The following PTPRD variants were observed in gnomAD, a reference collection of about 807,000 sequenced individuals.
The protein encoded by PTPRD is protein tyrosine phosphatase receptor type D.
PTPRD carries 34 observed loss-of-function variants against 214.5 expected under a neutral mutation model. The observed-to-expected ratio is 0.16, with a 90% CI of 0.12 to 0.21. PTPRD has a LOEUF of 0.21. Ranked by LOEUF, PTPRD falls within the 10% of genes least tolerant of loss-of-function variation. The pLI is 1.00. For missense variants in PTPRD, 2,545 were observed against 2,398.7 expected, an observed-to-expected ratio of 1.06 and a Z score of -1.27; for synonymous variants, 1,128 against 845.7, an observed-to-expected ratio of 1.33 and a Z score of -5.79.
At position 9,453,620 on chromosome 9, in the gene PTPRD, C is replaced by T. The variant is rs188894429; in HGVS notation, c.-236-56138G>A. Among the ~76,000 whole-genome samples the T allele has an allele frequency of 9.9e-5, 15 of 151,610 alleles. No homozygotes were observed. The East Asian group carries it at 2.9e-3, about 29-fold the overall frequency. ...ATTCCATTTATATTTCAGTCAAGTG[C>T]AGGAATATGAGGTGTATATGTTTGT... On this transcript the variant is annotated intron_variant, in intron 8 of 45. Transcript: ENST00000381196.
intron 4 of PTPRD, among the ~76,000 whole-genome samples, chr9:10,019,239 A>G (rs929380594): frequency 1.3e-5 from 2 of 152,212 alleles, no homozygotes; most frequent in African/African-American, 4.8e-5. Context: ...ACCATCTCAC[A>G]TCAGTTAGAA....
chr9:9,675,169 T>G (rs1398562911), intron 7 of PTPRD, among the ~76,000 whole-genome samples: 1 of 151,996 alleles, frequency 6.6e-6, no homozygotes, highest in Non-Finnish European at 1.5e-5. Flanking sequence ...ACAATCTGTA[T>G]ACGTTTAAAT....
chr9:10,575,525 T>C (rs766730326), intron 2 of PTPRD, among the ~76,000 whole-genome samples: 20 of 152,022 alleles, frequency 1.3e-4, no homozygotes, highest in Non-Finnish European at 2.8e-4. Context: ...CCTTGGTAAT[T>C]AAGCAAAAAA....
At chr9:8,942,650 G>A (rs1163164619) in intron 11 of PTPRD, among the ~76,000 whole-genome samples, 9 of 151,684 alleles carry the variant, frequency 5.9e-5, no homozygotes, top group Non-Finnish European at 1.2e-4. Flanking sequence ...AACATACAGG[G>A]GTCAAAGCTA....
intron 14 of PTPRD, among the ~76,000 whole-genome samples, chr9:8,601,112 C>G (rs560377123): frequency 3.6e-4 from 55 of 152,232 alleles, no homozygotes; most frequent in African/African-American, 1.3e-3. Flanking sequence ...CTTGGCAGTA[C>G]TCCCTATGGG....
intron 10 of PTPRD, among the ~76,000 whole-genome samples, chr9:9,132,331 T>G (rs1238929603): frequency 6.6e-6 from 1 of 152,194 alleles, no homozygotes; most frequent in Non-Finnish European, 1.5e-5. Context: ...TTGAAGGTTG[T>G]GAATTTTCCT....
intron 11 of PTPRD, among the ~76,000 whole-genome samples, chr9:8,991,574 A>G (rs1318325961): frequency 6.6e-6 from 1 of 152,130 alleles, no homozygotes; most frequent in Non-Finnish European, 1.5e-5. Flanking sequence ...GTGTGGGAGT[A>G]AGATGAAAAA....
intron 3 of PTPRD, among the ~76,000 whole-genome samples, chr9:10,285,440 A>T (rs1018975304): frequency 1.3e-5 from 2 of 152,108 alleles, no homozygotes; most frequent in Admixed American, 1.3e-4. Context: ...ACCCATAAGT[A>T]ATATTTTAAC....
chr9:9,972,806 A>C (rs1056612954), intron 4 of PTPRD, among the ~76,000 whole-genome samples: 1 of 152,130 alleles, frequency 6.6e-6, no homozygotes, highest in Admixed American at 6.5e-5. Flanking sequence ...TTCCTTTCTC[A>C]TATCTCCTAC....
chr9:9,948,087 G>A (rs192137518), intron 4 of PTPRD, among the ~76,000 whole-genome samples: 87 of 152,112 alleles, frequency 5.7e-4, no homozygotes, highest in African/African-American at 1.9e-3. Context: ...AGAACATGAA[G>A]AGTAGTCAAG....
intron 11 of PTPRD, among the ~76,000 whole-genome samples, chr9:8,853,930 G>C (rs938498296): frequency 6.6e-6 from 1 of 152,074 alleles, no homozygotes; most frequent in African/African-American, 2.4e-5. Context: ...AACCAAAAGA[G>C]ATTCAGACTA....
At chr9:8,811,309 C>T (rs540759623) in intron 11 of PTPRD, among the ~76,000 whole-genome samples, 20 of 152,026 alleles carry the variant, frequency 1.3e-4, no homozygotes, top group Middle Eastern at 6.8e-3. Context: ...GCATTTATAC[C>T]ACTCAACTTC....
At chr9:9,749,777 G>A (rs1306105296) in intron 6 of PTPRD, among the ~76,000 whole-genome samples, 3 of 152,146 alleles carry the variant, frequency 2.0e-5, no homozygotes, top group Non-Finnish European at 4.4e-5. Context: ...TAGGAGTATA[G>A]TTATTAGAAC....
At chr9:9,920,161 C>G (rs933654183) in intron 5 of PTPRD, among the ~76,000 whole-genome samples, 19 of 152,114 alleles carry the variant, frequency 1.2e-4, no homozygotes, top group African/African-American at 4.6e-4. Flanking sequence ...AACAGTGTCT[C>G]AGGCACTTGC....
chr9:9,575,692 C>A (rs1167669244), intron 7 of PTPRD, among the ~76,000 whole-genome samples: 1 of 119,890 alleles, frequency 8.3e-6, no homozygotes, highest in Non-Finnish European at 1.6e-5. Flanking sequence ...TGCACTCCAG[C>A]CTGGGTGACA....
intron 3 of PTPRD, among the ~76,000 whole-genome samples, chr9:10,134,718 C>T (rs541587935): frequency 6.6e-6 from 1 of 152,092 alleles, no homozygotes; most frequent in South Asian, 2.1e-4. Flanking sequence ...AAAAAAAAGC[C>T]CCATCTAAAC....
intron 38 of PTPRD, among the ~76,000 whole-genome samples, chr9:8,376,352 A>T (rs1436931875): frequency 6.6e-6 from 1 of 152,074 alleles, no homozygotes; most frequent in Non-Finnish European, 1.5e-5. Context: ...ATCACATTTT[A>T]CAGGAAGAGC....
intron 11 of PTPRD, among the ~76,000 whole-genome samples, chr9:8,790,727 G>T (rs964889737): frequency 5.3e-5 from 8 of 150,592 alleles, no homozygotes; most frequent in African/African-American, 2.0e-4. Flanking sequence ...TATTACATTA[G>T]ATACATACAA....
At chr9:10,422,065 A>G (rs533920768) in intron 2 of PTPRD, among the ~76,000 whole-genome samples, 52 of 152,164 alleles carry the variant, frequency 3.4e-4, no homozygotes, top group African/African-American at 1.1e-3. Flanking sequence ...AAACTATACT[A>G]CAAGGATACA....
Sources: allele counts gnomAD v4.1 joint callset (sites outside exome capture counted in the v4.1 genomes callset), GRCh38; gene constraint gnomAD v4.1.1; transcripts MANE v1.5; gene names NCBI Gene and HGNC (gene_info 2026-07-23, HGNC 2026-07-21).